The following HELZ variants were observed in gnomAD, a reference collection of about 807,000 sequenced individuals.
The protein encoded by HELZ is ATP-dependent RNA helicase with zinc finger domain.
HELZ carries 23 observed loss-of-function variants against 218.2 expected under a neutral mutation model. The ratio of observed to expected loss-of-function variants is 0.11; its 90% CI spans 0.08 to 0.15. The LOEUF (loss-of-function observed/expected upper bound fraction) is 0.15. Among genes scored for constraint, HELZ ranks in the 10% least tolerant of loss-of-function variants. The pLI is 1.00. For synonymous variants in HELZ, 814 were observed against 829.4 expected (o/e 0.98, Z 0.32); for missense variants, 1,813 against 2,353.7 (o/e 0.77, Z 4.75).
intron 31 of HELZ, among the ~76,000 whole-genome samples, chr17:67,106,558 C>T (rs1266718264): frequency 5.3e-5 from 8 of 152,174 alleles, no homozygotes; most frequent in Non-Finnish European, 1.0e-4. Context: ...CTGCCCGCCT[C>T]GGCCTCCCCA....
At chr17:67,231,424 T>C (rs1401940002) in intron 3 of HELZ, among the ~76,000 whole-genome samples, 1 of 151,776 alleles carries the variant, frequency 6.6e-6, no homozygotes, top group East Asian at 1.9e-4. Context: ...AAACCCCATC[T>C]CTACTAAAAA....
intron 13 of HELZ, among the ~76,000 whole-genome samples, chr17:67,170,892 T>C (rs901912549): frequency 6.6e-6 from 1 of 152,112 alleles, no homozygotes; most frequent in Non-Finnish European, 1.5e-5. Flanking sequence ...GTTAAAATTT[T>C]ACTTTCCTTT....
In HELZ at chr17:67,071,810, T is replaced by C. The variant is rs951889286; in HGVS notation, c.*6442A>G. 2.6e-5 allele frequency: 4 copies of C among 152,566 alleles called. No individual in the cohort carries two copies. Among genetic ancestry groups the C allele is most frequent in the African/African-American group, 4.8e-5 (2 of 41,432 alleles). 9.5% of individuals were successfully genotyped at this position (152,566 alleles called of 1,614,324 possible). A position where few individuals can be genotyped will look rare whatever the true frequency, so the allele number is the denominator to read the frequency against. On this transcript the variant is annotated 3_prime_UTR_variant, in exon 33 of 33. Coordinates refer to ENST00000358691, the MANE Select transcript of HELZ (RefSeq NM_014877.4). ...TGAATAATTCATGCTGTGTAGGTGG[T>C]AGATCCCCCTAGGCTGTTTTGCAAA... is the stretch of plus-strand genomic sequence containing the variant.
intron 13 of HELZ, among the ~76,000 whole-genome samples, chr17:67,172,833 T>G (rs1406307627): frequency 6.6e-6 from 1 of 152,094 alleles, no homozygotes; most frequent in Non-Finnish European, 1.5e-5. Flanking sequence ...CTCAAACTCC[T>G]GGGCTCAAAA....
At chr17:67,090,848 A>G (rs1052706085) in intron 31 of HELZ, among the ~76,000 whole-genome samples, 2 of 151,848 alleles carry the variant, frequency 1.3e-5, no homozygotes, top group African/African-American at 4.8e-5. Context: ...ATTTTCCTTT[A>G]TTGCTTTTCT....
chr17:67,072,007 T>TA lies in HELZ; in HGVS notation c.*6244_*6245insT, dbSNP rs1555586728. 4 of 150,124 alleles carry TA rather than the reference T, an allele frequency of 2.7e-5. No homozygotes were observed. In the South Asian group the frequency reaches 6.3e-4, roughly 24 times the overall value. 9.3% of individuals were successfully genotyped at this position (150,124 alleles called of 1,614,324 possible). ...AACAAATCCTTTGCCCTCACCACCC[T>TA]CCCCCACAAAAAAAAAAAATAATAA... On this transcript the variant is annotated 3_prime_UTR_variant, in exon 33 of 33. Transcript: ENST00000358691.
In HELZ at chr17:67,130,018, A is replaced by G. The variant is rs186089734; in HGVS notation, c.3183-1163T>C. On this transcript the variant is annotated intron_variant, in intron 23 of 32. Transcript: ENST00000358691. ...GCATAAATGAAAAGGTTTATATTAT[A>G]AAAGTTAGTATATGAATGGGAATTG... is the stretch of plus-strand genomic sequence containing the variant. Among the ~76,000 whole-genome samples the G allele has an allele frequency of 2.8e-3, 421 of 152,298 alleles. 7 individuals are homozygous for G. Among genetic ancestry groups the G allele is most frequent in the Non-Finnish European group, 8.2e-4 (56 of 68,012 alleles).
rs187998692 is a variant in HELZ, at chr17:67,095,586, T to C, written c.5242-8505A>G. Among the ~76,000 whole-genome samples the C allele has an allele frequency of 4.2e-3, 632 of 152,234 alleles. 2 individuals carry two copies. Among genetic ancestry groups the C allele is most frequent in the African/African-American group, 0.014 (600 of 41,546 alleles). On this transcript the variant is annotated intron_variant, in intron 31 of 32. Coordinates refer to ENST00000358691, the MANE Select transcript of HELZ (RefSeq NM_014877.4). Reference sequence around the variant, plus strand: ...GAAGAAATTCCTCATCTACCCAAGTTCAATCATAAGATTACAGCAAGTTAG... The same window carrying C: ...GAAGAAATTCCTCATCTACCCAAGTCCAATCATAAGATTACAGCAAGTTAG...
rs1598266187 is a variant in HELZ, at chr17:67,120,478, A to G, written c.3765T>C (p.His1255=). Residue 1255 remains histidine, a synonymous_variant, in exon 27 of 33, where the codon CAT becomes CAC. Coordinates refer to ENST00000358691, the MANE Select transcript of HELZ (RefSeq NM_014877.4). ...RGSPIPYGLG[H]HPPVTIGQPQ... ...GCTGGCCTATGGTGACAGGTGGGTGATGTCCAAGGCCATAAGGAATAGGAG... is the reference window on the plus strand; with the variant it reads ...GCTGGCCTATGGTGACAGGTGGGTGGTGTCCAAGGCCATAAGGAATAGGAG... The G allele has an allele frequency of 6.2e-7, 1 of 1,613,964 alleles. No individual in the cohort carries two copies. The highest frequency in any genetic ancestry group is 1.7e-5 in the Admixed American group (1 of 59,992).
At chr17:67,224,095 G>A (rs1056879574) in intron 3 of HELZ, among the ~76,000 whole-genome samples, 4 of 152,174 alleles carry the variant, frequency 2.6e-5, no homozygotes, top group Non-Finnish European at 5.9e-5. Flanking sequence ...GGGATGTGGG[G>A]TGGCATGTGA....
intron 21 of HELZ, among the ~76,000 whole-genome samples, chr17:67,142,499 C>A (rs951898405): frequency 1.3e-5 from 2 of 152,072 alleles, no homozygotes; most frequent in East Asian, 1.9e-4. Context: ...CAGAGCAAGA[C>A]CCTGTCTCAA....
intron 31 of HELZ, among the ~76,000 whole-genome samples, chr17:67,095,225 T>C (rs1266127910): frequency 6.6e-6 from 1 of 152,172 alleles, no homozygotes; most frequent in East Asian, 1.9e-4. Context: ...AACACTTTCT[T>C]TGTTCACCCA....
Position 67,224,758 on chromosome 17 carries a change from T to C in HELZ, c.-18-5936A>G, listed in dbSNP as rs925724040. On this transcript the variant is annotated intron_variant, in intron 3 of 32. Coordinates refer to ENST00000358691, the MANE Select transcript of HELZ (RefSeq NM_014877.4). The stretch of plus-strand genomic sequence containing the variant: ...GAACGTTGCTAAAACCCGCCGGACT[T>C]TCTGTAAGAAGTGTGGCAAGCACCA... 4.3e-6 allele frequency: 5 copies of C among 1,162,190 alleles called. No individual in the cohort carries two copies. The African/African-American group carries it at 7.9e-5, about 18-fold the overall frequency. The allele number at this position is 1,162,190 out of a possible 1,614,324, so 72.0% of individuals were successfully genotyped here.
At position 67,094,979 on chromosome 17, in the gene HELZ, T is replaced by TA. The variant is rs890514304; in HGVS notation, c.5242-7899dup. Among the ~76,000 whole-genome samples the TA allele has an allele frequency of 3.2e-4, 49 of 152,308 alleles. 1 individual carries two copies. The highest frequency in any genetic ancestry group is 1.2e-3 in the African/African-American group (48 of 41,570). ...GCAATTTCTTAAAATAAGACAATAA[T>TA]AAAGTTTGCCGCATCAGTTGACTCT... On this transcript the variant is annotated intron_variant, in intron 31 of 32. Transcript: ENST00000358691.
intron 7 of HELZ, among the ~76,000 whole-genome samples, chr17:67,196,420 C>T (rs962740145): frequency 6.6e-6 from 1 of 152,242 alleles, no homozygotes. Context: ...CATGCTAGAT[C>T]GTTATCAGCG....
intron 13 of HELZ, among the ~76,000 whole-genome samples, chr17:67,171,637 G>GA (rs2144180586): frequency 6.6e-6 from 1 of 152,210 alleles, no homozygotes; most frequent in African/African-American, 2.4e-5. Flanking sequence ...GAGGATCTCT[G>GA]AAAAATGCAA....
intron 19 of HELZ, 38 bp from the exon 20 acceptor site, chr17:67,148,752 C>A: frequency 6.4e-7 from 1 of 1,557,952 alleles, no homozygotes; most frequent in Non-Finnish European, 8.7e-7. Context: ...TTTAACTGAA[C>A]ATACAAATAG....
intron 25 of HELZ, 73 bp from the exon 26 acceptor site, chr17:67,123,233 T>A: frequency 1.2e-6 from 1 of 818,624 alleles, no homozygotes; most frequent in Non-Finnish European, 1.8e-6. Context: ...TTTAAATCAT[T>A]CAACAGCAAA....
intron 23 of HELZ, among the ~76,000 whole-genome samples, 196 bp from the exon 24 acceptor site, chr17:67,129,051 C>T (rs192107357): frequency 1.5e-3 from 234 of 152,194 alleles, no homozygotes; most frequent in Non-Finnish European, 2.4e-3. Flanking sequence ...TACAGTCATA[C>T]CTTGTATTAT....
Sources: gnomAD v4.1 joint callset for allele counts (sites outside exome capture counted in the v4.1 genomes callset) on GRCh38, gnomAD v4.1.1 for gene constraint, MANE v1.5 for transcripts, NCBI Gene and HGNC (gene_info 2026-07-23, HGNC 2026-07-21) for gene names.